THOC5: variants seen among roughly 807,000 people sequenced by gnomAD.
The protein encoded by THOC5 is THO complex subunit 5.
THOC5 carries 43 observed loss-of-function variants against 92.9 expected under a neutral mutation model. The ratio of observed to expected loss-of-function variants is 0.46; its 90% CI spans 0.36 to 0.60. THOC5 has a LOEUF of 0.60. THOC5 is among the 20% of genes least tolerant of loss of function. THOC5 has a pLI of 0.00. For synonymous variants in THOC5, 296 were observed against 320.1 expected (o/e 0.92, Z 0.80); for missense variants, 659 against 849.4 (o/e 0.78, Z 2.79).
chr22:29,511,977 G>T, intron 18 of THOC5, 44 bp downstream of exon 18: 1 of 1,552,710 alleles, frequency 6.4e-7, no homozygotes, highest in South Asian at 1.1e-5. Context: ...CACCTCCCCC[G>T]GGAGCTCTGC....
intron 1 of THOC5, among the ~76,000 whole-genome samples, chr22:29,551,673 C>T (rs182218529): frequency 2.4e-3 from 366 of 152,154 alleles, no homozygotes; most frequent in African/African-American, 8.6e-3. Context: ...ATGGCTTGAG[C>T]CCAGAAGTTC....
At chr22:29,526,666 G>A (rs1479476103) in intron 11 of THOC5, among the ~76,000 whole-genome samples, 1 of 151,898 alleles carries the variant, frequency 6.6e-6, no homozygotes, top group African/African-American at 2.4e-5. Context: ...TGGACTTAGT[G>A]ACTCTGCTTC....
In THOC5 at chr22:29,518,989, C is replaced by A; in HGVS notation, c.1489+17G>T. 1 of 1,511,222 alleles carries A rather than the reference C, an allele frequency of 6.6e-7. No individual in the cohort carries two copies. The highest frequency in any genetic ancestry group is 9.1e-7 in the Non-Finnish European group (1 of 1,099,540). 93.6% of individuals were successfully genotyped at this position (1,511,222 alleles called of 1,614,324 possible). On this transcript the variant is annotated intron_variant, in intron 15 of 19. Transcript: ENST00000490103. Reference sequence around the variant, plus strand: ...TGTCTGAGTGACTCTTAAACCACTGCCCCATCATCAGCTTACCTAGGGATG... The same window carrying A: ...TGTCTGAGTGACTCTTAAACCACTGACCCATCATCAGCTTACCTAGGGATG...
intron 17 of THOC5, among the ~76,000 whole-genome samples, chr22:29,514,984 C>G (rs1209576384): frequency 1.3e-5 from 2 of 151,790 alleles, no homozygotes; most frequent in Non-Finnish European, 2.9e-5. Flanking sequence ...GGATTACAGG[C>G]ATGGGCCACC....
Position 29,544,473 on chromosome 22 carries a change from C to A in THOC5, c.227G>T (p.Gly76Val), listed in dbSNP as rs769571329. 5 of 1,613,492 alleles carry A rather than the reference C, an allele frequency of 3.1e-6. No individual in the cohort carries two copies. Among genetic ancestry groups the A allele is most frequent in the Non-Finnish European group, 3.4e-6 (4 of 1,179,824 alleles). ...CCCACTCCTTACCACATCCTTGCCA[C>A]CCCTGCTCTTCAGGTCTTGGATCTC... The part of the protein sequence containing the change: ...MAEIQDLKSR[G>V]GKDVAIEIEE... The change falls in exon 3 of 20, where the codon GGT becomes GTT. Residue 76 changes from glycine (G) to valine (V), a missense_variant. Gly to Val is a moderately radical substitution (Grantham distance 109). Coordinates refer to ENST00000490103, the MANE Select transcript of THOC5 (RefSeq NM_003678.5).
chr22:29,537,979 ATTAT>A lies in THOC5; in HGVS notation c.600-1245_600-1242del, dbSNP rs551338189. Among the ~76,000 whole-genome samples, 380 of 152,276 alleles carry A rather than the reference ATTAT, an allele frequency of 2.5e-3. 1 individual carries two copies. The highest frequency in any genetic ancestry group is 3.8e-3 in the Non-Finnish European group (260 of 68,010). On this transcript the variant is annotated intron_variant, in intron 6 of 19. Coordinates refer to ENST00000490103, the MANE Select transcript of THOC5 (RefSeq NM_003678.5). Reference sequence around the variant, plus strand: ...TTATACCTAAAGTGTGACTTGAAGCATTATTTATTTATTTATTTTTTGAGACGGA... The same window carrying A: ...TTATACCTAAAGTGTGACTTGAAGCATTATTTATTTATTTTTTGAGACGGA...
At chr22:29,552,453 G>A (rs1363206335) in intron 1 of THOC5, among the ~76,000 whole-genome samples, 1 of 151,972 alleles carries the variant, frequency 6.6e-6, no homozygotes, top group African/African-American at 2.4e-5. Context: ...TCTGGGAGGT[G>A]AGGAGCGTCT....
chr22:29,518,222 C>T (rs1209043054), intron 15 of THOC5, among the ~76,000 whole-genome samples: 2 of 152,044 alleles, frequency 1.3e-5, no homozygotes, highest in South Asian at 2.1e-4. Flanking sequence ...TTAGTAGAGA[C>T]GGAGTTTCAC....
rs369227236 is a variant in THOC5, at chr22:29,525,958, G to A, written c.1067-12C>T. 9 of 1,584,714 alleles carry A rather than the reference G, an allele frequency of 5.7e-6. No homozygotes were observed. Among genetic ancestry groups the A allele is most frequent in the Non-Finnish European group, 7.8e-6 (9 of 1,156,380 alleles). On this transcript the variant is annotated splice_polypyrimidine_tract_variant and intron_variant, in intron 11 of 19. Coordinates refer to ENST00000490103, the MANE Select transcript of THOC5 (RefSeq NM_003678.5). ...AAGCACACTGTCATCTGGAGGGGAG[G>A]AAGATGAGAGAATTTATGAGTCAAA...
intron 17 of THOC5, 63 bp from the exon 18 acceptor site, chr22:29,512,199 C>A: frequency 4.6e-6 from 6 of 1,303,748 alleles, no homozygotes; most frequent in Non-Finnish European, 6.6e-6. Flanking sequence ...GCCATGGCAG[C>A]CTCCCCACTG....
intron 1 of THOC5, chr22:29,553,448 C>T (rs924918736): frequency 2.0e-5 from 3 of 152,840 alleles, no homozygotes; most frequent in Admixed American, 6.5e-5. Context: ...GCTACATTAC[C>T]ACAATCAAGA....
At chr22:29,539,504 G>A in intron 5 of THOC5, 28 bp from the exon 6 acceptor site, 2 of 1,603,360 alleles carry the variant, frequency 1.2e-6, no homozygotes, top group Non-Finnish European at 1.7e-6. Context: ...ACATCAAGCT[G>A]CTGTTCTCAG....
At chr22:29,524,687 C>G (rs1189725058) in intron 12 of THOC5, among the ~76,000 whole-genome samples, 1 of 152,136 alleles carries the variant, frequency 6.6e-6, no homozygotes, top group Non-Finnish European at 1.5e-5. Flanking sequence ...CCAGAGCACC[C>G]CTGGGGGTGT....
rs777582929 is a variant in THOC5, at chr22:29,517,108, G to A, written c.1602C>T (p.His534=). Residue 534 remains histidine, a synonymous_variant, in exon 17 of 20, where the codon CAC becomes CAT. Transcript: ENST00000490103. Reference sequence around the variant, plus strand: ...CCGCATCCACAATGTCTTTGGTGAAGTGCAGCTCCTAGAAGAGGTACCACA... The same window carrying A: ...CCGCATCCACAATGTCTTTGGTGAAATGCAGCTCCTAGAAGAGGTACCACA... ...TVAHEDYMEL[H]FTKDIVDAGL... The A allele has an allele frequency of 1.2e-5, 19 of 1,614,182 alleles. No homozygotes were observed. Among genetic ancestry groups the A allele is most frequent in the Non-Finnish European group, 1.6e-5 (19 of 1,180,034 alleles).
intron 17 of THOC5, among the ~76,000 whole-genome samples, chr22:29,513,133 G>A (rs1398432815): frequency 2.7e-5 from 4 of 147,208 alleles, no homozygotes; most frequent in South Asian, 2.2e-4. Context: ...GGCGGATCAC[G>A]AGATCAGGAG....
At chr22:29,536,881 T>C in intron 6 of THOC5, 143 bp from the exon 7 acceptor site, 2 of 627,072 alleles carry the variant, frequency 3.2e-6, no homozygotes, top group Non-Finnish European at 5.8e-6. Flanking sequence ...GCCAGGTACT[T>C]TGGTGAGCTC....
chr22:29,553,536 G>C (rs1489812634), intron 1 of THOC5, 135 bp downstream of exon 1: 2 of 152,584 alleles, frequency 1.3e-5, no homozygotes, highest in Non-Finnish European at 2.9e-5. Flanking sequence ...AGAGGCCGGG[G>C]ACCGCGGGTA....
At position 29,528,094 on chromosome 22, in the gene THOC5, G is replaced by A. The variant is rs750768645; in HGVS notation, c.1050C>T (p.Leu350=). The change falls in exon 11 of 20, where the codon CTC becomes CTT. Residue 350 remains leucine (L), a synonymous_variant. Transcript: ENST00000490103. ...CAACCAGACCTTTGCACTTCAGGTC[G>A]AGCATGACAGACAGTGGGTGCCTCT... The part of the protein sequence containing the change: ...MLKRHPLSVM[L]DLKCKDDSVL... 16 of 1,614,082 alleles carry A rather than the reference G, an allele frequency of 9.9e-6. No homozygotes were observed. The highest frequency in any genetic ancestry group is 3.3e-5 in the Admixed American group (2 of 59,992).
chr22:29,519,951 A>C, intron 14 of THOC5, 57 bp downstream of exon 14: 1 of 1,473,350 alleles, frequency 6.8e-7, no homozygotes, highest in East Asian at 2.3e-5. Context: ...TCTAGAGTCT[A>C]TACAGGAAGA....
Sources: gnomAD v4.1 joint callset for allele counts (sites outside exome capture counted in the v4.1 genomes callset) on GRCh38, gnomAD v4.1.1 for gene constraint, MANE v1.5 for transcripts, NCBI Gene and HGNC (gene_info 2026-07-23, HGNC 2026-07-21) for gene names.